ZMAT3: variants seen among roughly 807,000 people sequenced by gnomAD.
ZMAT3 encodes zinc finger matrin-type 3.
Under a neutral mutation model 32.3 loss-of-function variants are expected in ZMAT3, and 17 were observed. The observed-to-expected ratio is 0.53, with a 90% CI of 0.36 to 0.79. The LOEUF is 0.79. Among genes scored for constraint, ZMAT3 ranks in the 30% least tolerant of loss-of-function variants. ZMAT3 has a pLI of 0.00. For synonymous variants in ZMAT3, 120 were observed against 133.1 expected, an observed-to-expected ratio of 0.90 and a Z score of 0.68; for missense variants, 329 against 359.7, an observed-to-expected ratio of 0.91 and a Z score of 0.69.
intron 2 of ZMAT3, among the ~76,000 whole-genome samples, chr3:179,042,562 T>G (rs1052929123): frequency 1.3e-5 from 2 of 152,204 alleles, no homozygotes; most frequent in Non-Finnish European, 2.9e-5. Context: ...TAGGTATTGA[T>G]GGAACGTATC....
intron 2 of ZMAT3, among the ~76,000 whole-genome samples, chr3:179,034,517 C>T (rs1027343142): frequency 3.3e-5 from 5 of 152,218 alleles, no homozygotes. Flanking sequence ...TATTCTCTGA[C>T]TCTAGGTTAT....
chr3:179,040,940 C>T (rs577995270), intron 2 of ZMAT3, among the ~76,000 whole-genome samples: 179 of 150,336 alleles, frequency 1.2e-3, no homozygotes, highest in Non-Finnish European at 1.8e-3. Flanking sequence ...TCCTACTCTC[C>T]GATAAAACAG....
chr3:179,047,591 G>T (rs572717258), intron 2 of ZMAT3, among the ~76,000 whole-genome samples: 1 of 151,764 alleles, frequency 6.6e-6, no homozygotes, highest in Non-Finnish European at 1.5e-5. Flanking sequence ...GGTGGCTCAC[G>T]CCTGTAATCC....
chr3:179,071,064 T>C (rs1469216585), intron 1 of ZMAT3, among the ~76,000 whole-genome samples: 1 of 151,700 alleles, frequency 6.6e-6, no homozygotes, highest in Non-Finnish European at 1.5e-5. Flanking sequence ...CAAGAAGGAA[T>C]GAGAGGGAGA....
At chr3:179,033,434 T>C (rs1288414119) in intron 2 of ZMAT3, among the ~76,000 whole-genome samples, 2 of 151,616 alleles carry the variant, frequency 1.3e-5, no homozygotes, top group Admixed American at 6.6e-5. Flanking sequence ...CCCTCCACTA[T>C]TGTCCTATGA....
intron 2 of ZMAT3, among the ~76,000 whole-genome samples, chr3:179,032,001 C>A (rs1229328405): frequency 2.1e-4 from 3 of 13,964 alleles, no homozygotes; most frequent in South Asian, 5.7e-3. Context: ...CTCCTCCTCC[C>A]CCTCCCCCTC....
rs959984970 is a variant in ZMAT3 at position 179,018,616 on chromosome 3, G to A, written c.*6401C>T. 3 of 130,608 alleles carry A rather than the reference G, an allele frequency of 2.3e-5. No individual in the cohort carries two copies. The highest frequency in any genetic ancestry group is 1.1e-4 in the African/African-American group (3 of 28,008). 8.1% of individuals were successfully genotyped at this position (130,608 alleles called of 1,614,324 possible). A position where few individuals can be genotyped will look rare whatever the true frequency, so the allele number is the denominator to read the frequency against. On this transcript the variant is annotated 3_prime_UTR_variant, in exon 6 of 6. Coordinates refer to ENST00000311417, the MANE Select transcript of ZMAT3 (RefSeq NM_022470.4). ...ACCCATTGAATCTTCATGACCTGGA[G>A]AAAGTCACTTAAAATTCTTTAGATT...
intron 1 of ZMAT3, among the ~76,000 whole-genome samples, chr3:179,069,187 A>G (rs1253540648): frequency 5.3e-5 from 8 of 152,220 alleles, no homozygotes; most frequent in Non-Finnish European, 1.2e-4. Flanking sequence ...TCACACCACC[A>G]TAAGCCACAG....
chr3:179,064,683 A>G (rs1242799665), intron 2 of ZMAT3, among the ~76,000 whole-genome samples: 1 of 152,126 alleles, frequency 6.6e-6, no homozygotes, highest in African/African-American at 2.4e-5. Flanking sequence ...TTCCCGCCTC[A>G]GCCTCCCAAA....
At chr3:179,047,677 A>T (rs1720314416) in intron 2 of ZMAT3, among the ~76,000 whole-genome samples, 1 of 147,682 alleles carries the variant, frequency 6.8e-6, no homozygotes, top group Non-Finnish European at 1.5e-5. Flanking sequence ...ACATGGTGAA[A>T]CCCAATCTCT....
intron 2 of ZMAT3, among the ~76,000 whole-genome samples, chr3:179,060,844 A>T (rs1721118747): frequency 6.6e-6 from 1 of 152,144 alleles, no homozygotes; most frequent in African/African-American, 2.4e-5. Context: ...AAGACACAAA[A>T]TTAAAACAGG....
At chr3:179,049,958 C>T (rs1272248121) in intron 2 of ZMAT3, among the ~76,000 whole-genome samples, 2 of 117,546 alleles carry the variant, frequency 1.7e-5, no homozygotes, top group Non-Finnish European at 3.2e-5. Context: ...CGCCACTGCA[C>T]TCTAGTCTGG....
chr3:179,063,072 T>C (rs1214105712), intron 2 of ZMAT3, among the ~76,000 whole-genome samples: 1 of 152,222 alleles, frequency 6.6e-6, no homozygotes, highest in African/African-American at 2.4e-5. Flanking sequence ...GTGTCTTGCC[T>C]AAAGTAACTG....
chr3:179,059,261 A>G (rs950925645), intron 2 of ZMAT3, among the ~76,000 whole-genome samples: 1 of 152,202 alleles, frequency 6.6e-6, no homozygotes, highest in African/African-American at 2.4e-5. Flanking sequence ...AGTACTCAGA[A>G]GAAGAAATAG....
At position 179,046,026 on chromosome 3, in the gene ZMAT3, C is replaced by T. The variant is rs1239021632; in HGVS notation, c.271-15027G>A. Among the ~76,000 whole-genome samples, 2 of 152,144 alleles carry T rather than the reference C, an allele frequency of 1.3e-5. No individual in the cohort carries two copies. The highest frequency in any genetic ancestry group is 4.8e-5 in the African/African-American group (2 of 41,438). On this transcript the variant is annotated intron_variant, in intron 2 of 5. Transcript: ENST00000311417. This position sits in a 1 kb window ranked among gnomAD's most constrained non-coding sequence, Gnocchi z 4.3. The stretch of plus-strand genomic sequence containing the variant: ...AAAACACCCAGTACAGGCAACTATG[C>T]AGAAGAGCTCTATGACAGGGAGCAG...
At chr3:179,032,561 G>A (rs968855376) in intron 2 of ZMAT3, among the ~76,000 whole-genome samples, 12 of 151,364 alleles carry the variant, frequency 7.9e-5, no homozygotes, top group African/African-American at 2.4e-4. Context: ...AGTGAGGTGC[G>A]TCTCTGCCCG....
chr3:179,048,728 C>A (rs1280574430), intron 2 of ZMAT3, among the ~76,000 whole-genome samples: 1 of 146,602 alleles, frequency 6.8e-6, no homozygotes, highest in Non-Finnish European at 1.5e-5. Context: ...ATAAATCTCA[C>A]AGGACCTATA....
chr3:179,028,395 T>C (rs903677047), intron 3 of ZMAT3, among the ~76,000 whole-genome samples: 10 of 152,184 alleles, frequency 6.6e-5, no homozygotes, highest in African/African-American at 1.9e-4. Context: ...CAGAAGATAG[T>C]AGGCATTCAG....
In ZMAT3 at chr3:179,025,054, C is replaced by A; in HGVS notation, c.833G>T (p.Arg278Leu). The A allele has an allele frequency of 1.9e-6, 3 of 1,614,172 alleles. No individual in the cohort carries two copies. Among genetic ancestry groups the A allele is most frequent in the Non-Finnish European group, 2.5e-6 (3 of 1,180,040 alleles). Residue 278 changes from arginine to leucine, a missense_variant, in exon 6 of 6, where the codon CGG becomes CTG. Physicochemically the swap from Arg to Leu is moderately radical, Grantham distance 102 (BLOSUM62 -2). Transcript: ENST00000311417. ...KQHKSKVSEQRYRNEMENLGY... is the reference protein window; with the variant it reads ...KQHKSKVSEQLYRNEMENLGY... ...CAGATTCTCCATCTCATTCCTGTAC[C>A]GCTGTTCAGACACCTTGCTCTTATG... is the stretch of plus-strand genomic sequence containing the variant.
Sources: allele counts gnomAD v4.1 joint callset (sites outside exome capture counted in the v4.1 genomes callset), GRCh38; gene constraint gnomAD v4.1.1; non-coding constraint Gnocchi (gnomAD v3.1); transcripts MANE v1.5; gene names NCBI Gene and HGNC (gene_info 2026-07-23, HGNC 2026-07-21).